PIK3AP1: variants seen among roughly 807,000 people sequenced by gnomAD.
PIK3AP1 encodes the protein phosphoinositide 3-kinase adapter protein 1.
PIK3AP1 carries 21 observed loss-of-function variants against 88.1 expected under a neutral mutation model. That is an observed-to-expected ratio of 0.24 (90% CI 0.17 to 0.34). The LOEUF (loss-of-function observed/expected upper bound fraction) is 0.34. PIK3AP1 is among the 10% of genes least tolerant of loss of function. PIK3AP1 has a pLI of 1.00. For missense variants in PIK3AP1, 828 were observed against 1,035.7 expected (o/e 0.80, Z 2.75); for synonymous variants, 398 against 400.0 (o/e 1.00, Z 0.06).
At chr10:96,608,480 G>A (rs959682717) in intron 14 of PIK3AP1, among the ~76,000 whole-genome samples, 4 of 152,224 alleles carry the variant, frequency 2.6e-5, no homozygotes, top group Non-Finnish European at 4.4e-5. Flanking sequence ...CTGTGGGTCT[G>A]TTTTGACAGG....
At chr10:96,623,663 C>A in intron 10 of PIK3AP1, 126 bp from the exon 11 acceptor site, 1 of 780,330 alleles carries the variant, frequency 1.3e-6, no homozygotes, top group Non-Finnish European at 2.1e-6. Flanking sequence ...TAGAAAGAGG[C>A]AATTAATGAG....
chr10:96,628,929 T>TATATATATA (rs1196583596), intron 8 of PIK3AP1, among the ~76,000 whole-genome samples: 1 of 132,424 alleles, frequency 7.6e-6, no homozygotes, highest in Admixed American at 7.8e-5. Flanking sequence ...TATATATATA[T>TATATATATA]GGCAAGGTCT....
chr10:96,698,716 GAGAA>G (rs1208706148), intron 2 of PIK3AP1, among the ~76,000 whole-genome samples: 1 of 150,940 alleles, frequency 6.6e-6, no homozygotes, highest in Non-Finnish European at 1.5e-5. Context: ...TTGGGTGACA[GAGAA>G]AGACTCTGTC....
chr10:96,609,520 A>T (rs899792833), intron 14 of PIK3AP1, among the ~76,000 whole-genome samples, 192 bp downstream of exon 14: 1 of 152,226 alleles, frequency 6.6e-6, no homozygotes, highest in African/African-American at 2.4e-5. Flanking sequence ...TTATCACGTA[A>T]CTAGGTTTCA....
chr10:96,686,179 C>G (rs1309049572), intron 2 of PIK3AP1, among the ~76,000 whole-genome samples: 1 of 152,160 alleles, frequency 6.6e-6, no homozygotes, highest in African/African-American at 2.4e-5. Flanking sequence ...TGACTATCAC[C>G]CTAACCAGAT....
intron 2 of PIK3AP1, among the ~76,000 whole-genome samples, chr10:96,696,865 C>A (rs1410778988): frequency 6.6e-6 from 1 of 152,148 alleles, no homozygotes; most frequent in Non-Finnish European, 1.5e-5. Context: ...AATACACTAC[C>A]ATACCTTGAT....
At chr10:96,632,955 A>T in intron 8 of PIK3AP1, 1 of 1,612,892 alleles carries the variant, frequency 6.2e-7, no homozygotes, top group Non-Finnish European at 8.5e-7. Flanking sequence ...CTAGCAGGGC[A>T]GTGAAGAGAG....
intron 2 of PIK3AP1, among the ~76,000 whole-genome samples, chr10:96,705,841 A>C (rs111292420): frequency 6.7e-6 from 1 of 150,146 alleles, no homozygotes; most frequent in Admixed American, 6.6e-5. Flanking sequence ...CAGCCTCCCA[A>C]AGTGCTGGGA....
At chr10:96,649,709 G>A (rs1478918996) in intron 6 of PIK3AP1, among the ~76,000 whole-genome samples, 1 of 152,214 alleles carries the variant, frequency 6.6e-6, no homozygotes, top group East Asian at 1.9e-4. Flanking sequence ...GGGAGGATAA[G>A]TAAGATAGTA....
intron 3 of PIK3AP1, among the ~76,000 whole-genome samples, chr10:96,656,161 C>T (rs949162870): frequency 1.3e-5 from 2 of 152,198 alleles, no homozygotes; most frequent in Admixed American, 1.3e-4. Flanking sequence ...ATAAATGCCA[C>T]ACGTTTTTAA....
chr10:96,602,256 A>T (rs1252751123), intron 16 of PIK3AP1, 24 bp downstream of exon 16: 3 of 1,555,260 alleles, frequency 1.9e-6, no homozygotes, highest in South Asian at 2.3e-5. Flanking sequence ...TAAGGGAAAA[A>T]TTTCATATCA....
intron 2 of PIK3AP1, among the ~76,000 whole-genome samples, chr10:96,681,740 T>C (rs1461396223): frequency 3.3e-5 from 5 of 151,986 alleles, no homozygotes; most frequent in African/African-American, 7.3e-5. Flanking sequence ...AGAAGGCAAA[T>C]TTGGTGACTT....
intron 16 of PIK3AP1, among the ~76,000 whole-genome samples, chr10:96,595,917 C>T (rs1266403864): frequency 6.6e-6 from 1 of 152,178 alleles, no homozygotes; most frequent in Non-Finnish European, 1.5e-5. Context: ...AGCCACAAAG[C>T]TTTTGAATAG....
At chr10:96,716,024 T>C (rs1366888897) in intron 1 of PIK3AP1, among the ~76,000 whole-genome samples, 2 of 152,112 alleles carry the variant, frequency 1.3e-5, no homozygotes, top group Non-Finnish European at 2.9e-5. Context: ...CTCACATCTG[T>C]AATACCAGCA....
intron 16 of PIK3AP1, among the ~76,000 whole-genome samples, chr10:96,598,791 A>G (rs1018322664): frequency 1.3e-5 from 2 of 152,218 alleles, no homozygotes; most frequent in Non-Finnish European, 2.9e-5. Flanking sequence ...GCAAGAGTAG[A>G]AGGGAGTAGG....
intron 7 of PIK3AP1, among the ~76,000 whole-genome samples, chr10:96,646,160 C>T (rs1008167886): frequency 4.0e-5 from 6 of 151,696 alleles, no homozygotes; most frequent in African/African-American, 7.3e-5. Context: ...CTCGGGAGGC[C>T]GAGGCATGAG....
In PIK3AP1 at chr10:96,673,032, A is replaced by C. The variant is rs114771023; in HGVS notation, c.431-16098T>G. 7.6e-3 allele frequency among the ~76,000 whole-genome samples: 1,157 copies of C among 152,354 alleles called. 19 individuals carry two copies. The highest frequency in any genetic ancestry group is 0.025 in the African/African-American group (1,035 of 41,590). ...AAGCTTCTGGTTTAATGGTAGAACC[A>C]CATGCAGAATTCAAAGCTCCCAACT... On this transcript the variant is annotated intron_variant, in intron 2 of 16. Transcript: ENST00000339364.
At chr10:96,654,472 C>T (rs1323079032) in intron 3 of PIK3AP1, among the ~76,000 whole-genome samples, 2 of 152,134 alleles carry the variant, frequency 1.3e-5, no homozygotes, top group African/African-American at 2.4e-5. Context: ...GATCCTGGCT[C>T]CTGGGGCTGC....
intron 2 of PIK3AP1, among the ~76,000 whole-genome samples, chr10:96,682,985 C>G (rs1167162747): frequency 6.6e-6 from 1 of 152,180 alleles, no homozygotes; most frequent in African/African-American, 2.4e-5. Context: ...GTAACATACA[C>G]TTATTCCCCC....
Sources: gnomAD v4.1 joint callset for allele counts (sites outside exome capture counted in the v4.1 genomes callset) on GRCh38, gnomAD v4.1.1 for gene constraint, MANE v1.5 for transcripts, NCBI Gene and HGNC (gene_info 2026-07-23, HGNC 2026-07-21) for gene names.